The following THBS4 variants were observed in gnomAD, a reference collection of about 807,000 sequenced individuals.
The protein encoded by THBS4 is thrombospondin 4.
A neutral mutation model predicts 115.7 loss-of-function variants in THBS4; 90 were observed. That is an observed-to-expected ratio of 0.78 (90% confidence interval 0.66 to 0.93). The LOEUF (loss-of-function observed/expected upper bound fraction) is 0.93, where lower values mean the gene tolerates loss of function less well. THBS4 is among the 40% of genes least tolerant of loss of function. THBS4 has a pLI of 0.00. For synonymous variants in THBS4, 460 were observed against 479.3 expected (o/e 0.96, Z 0.53); for missense variants, 1,087 against 1,232.7 (o/e 0.88, Z 1.77).
chr5:79,998,061 TAAAACTTACAACAAGA>T (rs1347996975), intron 1 of THBS4, among the ~76,000 whole-genome samples: 1 of 152,158 alleles, frequency 6.6e-6, no homozygotes, highest in Non-Finnish European at 1.5e-5. Context: ...AAATAACTCT[TAAAACTTACAACAAGA>T]AAACAACCCA....
Position 80,058,137 on chromosome 5 carries a change from G to A in THBS4, c.541-69G>A, listed in dbSNP as rs187243826. ...AGGACTACTTGATTATGAAAATTGC[G>A]TGAGTAGGCAAGCACATTGGCTTTT... On this transcript the variant is annotated intron_variant, in intron 3 of 21. Transcript: ENST00000350881. 524 of 1,201,900 alleles carry A rather than the reference G, an allele frequency of 4.4e-4. 6 individuals carry two copies. In the East Asian group the frequency reaches 7.9e-3, roughly 18 times the overall value. The allele number at this position is 1,201,900 out of a possible 1,614,324, so 74.5% of individuals were successfully genotyped here.
intron 21 of THBS4, 142 bp from the exon 22 acceptor site, chr5:80,082,937 AG>A: frequency 1.3e-6 from 1 of 757,928 alleles, no homozygotes. Flanking sequence ...AGCAGCCTGC[AG>A]GAGAAAATGG....
At chr5:80,040,417 T>C in intron 2 of THBS4, 137 bp downstream of exon 2, 1 of 692,234 alleles carries the variant, frequency 1.4e-6, no homozygotes, top group East Asian at 2.9e-5. Context: ...TAATACTGAA[T>C]TCTTCTTACT....
intron 2 of THBS4, among the ~76,000 whole-genome samples, chr5:80,016,189 C>T (rs1394118928): frequency 2.0e-5 from 3 of 152,112 alleles, no homozygotes; most frequent in Admixed American, 1.3e-4. Context: ...TTGCCTTAAA[C>T]GTGTTGATGT....
At position 80,068,127 on chromosome 5, in the gene THBS4, T is replaced by C. The variant is rs770714966; in HGVS notation, c.1347+2T>C. On this transcript the variant is annotated splice_donor_variant, in intron 10 of 21. Coordinates refer to ENST00000350881, the MANE Select transcript of THBS4 (RefSeq NM_003248.6). LOFTEE classifies it high-confidence loss of function. ...AGGCAGGGGGATGTGACATGTGTGG[T>C]AAGTTGTTTTTTGACTTCCTCTATC... The C allele has an allele frequency of 6.2e-7, 1 of 1,613,132 alleles. No individual in the cohort carries two copies. The highest frequency in any genetic ancestry group is 8.5e-7 in the Non-Finnish European group (1 of 1,179,654).
At chr5:80,049,698 T>C (rs1057401912) in intron 2 of THBS4, among the ~76,000 whole-genome samples, 1 of 152,138 alleles carries the variant, frequency 6.6e-6, no homozygotes, top group African/African-American at 2.4e-5. Context: ...CAGTAAGATA[T>C]AGACTTGGCA....
intron 1 of THBS4, chr5:80,036,165 C>G (rs1478925235): frequency 2.0e-6 from 2 of 985,332 alleles, no homozygotes; most frequent in African/African-American, 3.5e-5. Context: ...GGCTTGATGT[C>G]TTAATTTCTG....
chr5:79,991,452 CT>C (rs1831670921), intron 1 of THBS4: 2 of 475,262 alleles, frequency 4.2e-6, no homozygotes, highest in Non-Finnish European at 3.7e-6. Context: ...ACCAGTAATT[CT>C]TCAAATATTA....
chr5:80,025,715 T>G (rs1288727015), intron 2 of THBS4, among the ~76,000 whole-genome samples: 1 of 152,210 alleles, frequency 6.6e-6, no homozygotes, highest in Non-Finnish European at 1.5e-5. Context: ...CATTCATCCT[T>G]GAGGGACCCT....
intron 15 of THBS4, among the ~76,000 whole-genome samples, chr5:80,076,466 C>T (rs1036139956): frequency 7.2e-5 from 11 of 152,190 alleles, no homozygotes; most frequent in African/African-American, 1.9e-4. Flanking sequence ...TGAGGTCACA[C>T]GCTGGGCACA....
rs370145020 is a variant in THBS4, at chr5:80,071,062, C to A, written c.1602C>A (p.Ser534Arg). The change falls in exon 13 of 22, where the codon AGC (serine) becomes AGA (arginine). Residue 534 changes from serine to arginine, a missense_variant. Physicochemically the swap from Ser to Arg is moderately radical, Grantham distance 110 (BLOSUM62 -1). Transcript: ENST00000350881. ...VLIHNVDQRN[S>R]DKDIFGDACD... ...TTCATAATGTGGACCAAAGGAACAGCGATAAAGATATCTTTGGGGATGCCT... is the reference window on the plus strand; with the variant it reads ...TTCATAATGTGGACCAAAGGAACAGAGATAAAGATATCTTTGGGGATGCCT... The A allele has an allele frequency of 6.2e-7, 1 of 1,612,950 alleles. No individual in the cohort carries two copies. The highest frequency in any genetic ancestry group is 8.5e-7 in the Non-Finnish European group (1 of 1,179,840).
intron 2 of THBS4, among the ~76,000 whole-genome samples, chr5:80,044,617 G>T (rs1462311977): frequency 6.6e-6 from 1 of 151,958 alleles, no homozygotes; most frequent in Non-Finnish European, 1.5e-5. Flanking sequence ...TAGAGATGGG[G>T]TTTTGCCATA....
At chr5:79,996,668 C>T (rs879535825) in intron 1 of THBS4, among the ~76,000 whole-genome samples, 9 of 152,164 alleles carry the variant, frequency 5.9e-5, no homozygotes, top group Non-Finnish European at 1.3e-4. Context: ...GTAATATATA[C>T]TGATAGGGAT....
At chr5:80,076,758 TAA>T in intron 15 of THBS4, 95 bp from the exon 16 acceptor site, 2 of 1,275,206 alleles carry the variant, frequency 1.6e-6, no homozygotes, top group South Asian at 2.3e-5. Context: ...AACCCTGGTT[TAA>T]AAAAAACCTC....
intron 15 of THBS4, among the ~76,000 whole-genome samples, chr5:80,076,448 G>A (rs1284699958): frequency 6.6e-6 from 1 of 152,210 alleles, no homozygotes; most frequent in African/African-American, 2.4e-5. Context: ...GAGGTCAGGT[G>A]TCATGCCTGA....
chr5:80,010,062 G>A (rs1469271223), intron 2 of THBS4, among the ~76,000 whole-genome samples: 1 of 152,188 alleles, frequency 6.6e-6, no homozygotes, highest in African/African-American at 2.4e-5. Context: ...GAGCCCAGAA[G>A]TTGAAGGCTG....
intron 2 of THBS4, among the ~76,000 whole-genome samples, chr5:80,024,251 A>G (rs1395562302): frequency 6.6e-6 from 1 of 152,222 alleles, no homozygotes; most frequent in African/African-American, 2.4e-5. Context: ...CCAAGGTCAT[A>G]TAGTCATGGA....
At chr5:80,024,464 C>T (rs114665340) in intron 2 of THBS4, among the ~76,000 whole-genome samples, 1 of 152,276 alleles carries the variant, frequency 6.6e-6, no homozygotes, top group African/African-American at 2.4e-5. Context: ...AGGTAGCTAT[C>T]GTTCCCATTT....
At chr5:80,018,269 T>G (rs1213035207) in intron 2 of THBS4, among the ~76,000 whole-genome samples, 2 of 152,072 alleles carry the variant, frequency 1.3e-5, no homozygotes, top group African/African-American at 4.8e-5. Flanking sequence ...TTTATATGAT[T>G]TCTTTAGATT....
Sources: allele counts gnomAD v4.1 joint callset (sites outside exome capture counted in the v4.1 genomes callset), GRCh38; gene constraint gnomAD v4.1.1; transcripts MANE v1.5; gene names NCBI Gene and HGNC (gene_info 2026-07-23, HGNC 2026-07-21).